The following PDE11A variants were observed in gnomAD, a reference collection of about 807,000 sequenced individuals.
PDE11A encodes phosphodiesterase 11A, also known as dual 3',5'-cyclic-AMP and -GMP phosphodiesterase 11A.
A neutral mutation model predicts 100.5 loss-of-function variants in PDE11A; 100 were observed. The observed-to-expected ratio is 1.00, with a 90% CI of 0.85 to 1.18. The LOEUF (loss-of-function observed/expected upper bound fraction) is 1.18. PDE11A is among the 50% of genes most tolerant of loss of function. The pLI, the probability that PDE11A is intolerant of heterozygous loss-of-function variation, is 0.00. For synonymous variants in PDE11A, 381 were observed against 420.8 expected (o/e 0.91, Z 1.16); for missense variants, 1,141 against 1,152.6 (o/e 0.99, Z 0.15).
intron 9 of PDE11A, among the ~76,000 whole-genome samples, chr2:177,811,354 G>C (rs2082946828): frequency 1.3e-5 from 2 of 151,748 alleles, no homozygotes; most frequent in Admixed American, 1.3e-4. Context: ...AGCTTTAAGA[G>C]CATTTCTGCT....
At chr2:177,761,264 GACA>G (rs2082166504) in intron 10 of PDE11A, among the ~76,000 whole-genome samples, 1 of 152,138 alleles carries the variant, frequency 6.6e-6, no homozygotes, top group South Asian at 2.1e-4. Context: ...GGGTGCACAG[GACA>G]ACAACCAGGA....
intron 2 of PDE11A, among the ~76,000 whole-genome samples, chr2:177,937,485 T>G (rs1235933616): frequency 1.3e-5 from 2 of 151,904 alleles, no homozygotes; most frequent in Admixed American, 1.3e-4. Context: ...ACCCAACTAA[T>G]TTTTTGTATT....
Position 177,839,288 on chromosome 2 carries a change from C to T in PDE11A, c.1500+963G>A, listed in dbSNP as rs538022836. 3.3e-5 allele frequency among the ~76,000 whole-genome samples: 5 copies of T among 152,264 alleles called. No homozygotes were observed. The South Asian group carries it at 1.0e-3, about 32-fold the overall frequency. ...TTTGTCTGCCTCCAGAGCCATAGAGCAGCTCTCAATTTCTGTAAAATGGGA... is the reference window on the plus strand; with the variant it reads ...TTTGTCTGCCTCCAGAGCCATAGAGTAGCTCTCAATTTCTGTAAAATGGGA... On this transcript the variant is annotated intron_variant, in intron 6 of 19. Transcript: ENST00000286063.
chr2:177,737,076 C>A (rs2081795747), intron 10 of PDE11A, among the ~76,000 whole-genome samples: 1 of 149,796 alleles, frequency 6.7e-6, no homozygotes, highest in South Asian at 2.1e-4. Flanking sequence ...CCTGTCTCTA[C>A]TAAAAATACA....
chr2:178,029,587 A>G (rs761045824), intron 1 of PDE11A, among the ~76,000 whole-genome samples: 1 of 152,134 alleles, frequency 6.6e-6, no homozygotes, highest in Non-Finnish European at 1.5e-5. Flanking sequence ...TCATCCAACC[A>G]TAAGGAGTTA....
At chr2:178,002,727 T>C (rs2086160440) in intron 2 of PDE11A, among the ~76,000 whole-genome samples, 1 of 152,174 alleles carries the variant, frequency 6.6e-6, no homozygotes, top group African/African-American at 2.4e-5. Context: ...ATTAATTCCT[T>C]GTGGAAGGCA....
At chr2:177,722,651 A>T (rs1166665203) in intron 12 of PDE11A, among the ~76,000 whole-genome samples, 1 of 152,204 alleles carries the variant, frequency 6.6e-6, no homozygotes, top group Non-Finnish European at 1.5e-5. Context: ...CAGTATTCAA[A>T]TTGATTAGCC....
chr2:177,763,569 G>C (rs1251289874), intron 10 of PDE11A, among the ~76,000 whole-genome samples: 1 of 152,184 alleles, frequency 6.6e-6, no homozygotes, highest in South Asian at 2.1e-4. Context: ...TCTGCCCTGA[G>C]GGGGAGGAGC....
chr2:177,850,000 C>T lies in PDE11A; in HGVS notation c.1368-9617G>A, dbSNP rs547306184. 2.0e-5 allele frequency among the ~76,000 whole-genome samples: 3 copies of T among 152,286 alleles called. No individual in the cohort carries two copies. In the South Asian group the frequency reaches 6.2e-4, roughly 32 times the overall value. ...ATTCAATGCCATCCCCATCAAGCTA[C>T]CATTGACTTTCTTCACAGAATTGGA... On this transcript the variant is annotated intron_variant, in intron 5 of 19. Coordinates refer to ENST00000286063, the MANE Select transcript of PDE11A (RefSeq NM_016953.4).
chr2:177,690,488 T>C (rs771871247), intron 15 of PDE11A, among the ~76,000 whole-genome samples: 31 of 152,220 alleles, frequency 2.0e-4, no homozygotes, highest in Non-Finnish European at 3.2e-4. Flanking sequence ...ATTTGTTGAG[T>C]TCCCACTGTA....
chr2:177,688,747 C>T (rs2080995396), intron 15 of PDE11A, among the ~76,000 whole-genome samples: 1 of 152,218 alleles, frequency 6.6e-6, no homozygotes, highest in Admixed American at 6.5e-5. Flanking sequence ...AAATAGCAGT[C>T]TTTAAAAAAG....
At chr2:177,858,324 G>A (rs2083879985) in intron 5 of PDE11A, among the ~76,000 whole-genome samples, 1 of 151,590 alleles carries the variant, frequency 6.6e-6, no homozygotes, top group South Asian at 2.1e-4. Context: ...TACAGAATGG[G>A]AGAAAATTTT....
At chr2:178,078,471 T>TATATTC (rs2087235764) in intron 2 of PDE11A, among the ~76,000 whole-genome samples, 2 of 151,570 alleles carry the variant, frequency 1.3e-5, no homozygotes, top group South Asian at 4.2e-4. Context: ...GAAGCCCACC[T>TATATTC]ATAGTTGTAT....
chr2:178,071,980 C>T lies in PDE11A; in HGVS notation c.458G>A (p.Arg153Gln), dbSNP rs1442555490. ...TGCCTTCCGGAGAAGTGCCCTCCGT[C>T]GTACACTACTCAGGGGTTCCTGAGC... ...SRAQEPLSSV[R>Q]RRALLRKASS... The change falls in exon 1 of 20, where the codon CGA becomes CAA. Residue 153 changes from arginine to glutamine, a missense_variant. Physicochemically the swap from Arg to Gln is conservative, Grantham distance 43 (BLOSUM62 1). Transcript: ENST00000286063. 1.2e-5 allele frequency: 20 copies of T among 1,613,966 alleles called. No homozygotes were observed. Among genetic ancestry groups the T allele is most frequent in the Non-Finnish European group, 1.7e-5 (20 of 1,179,984 alleles).
rs537076246 is a variant in PDE11A, at chr2:178,098,675, G to T, written c.162+5627C>A. On this transcript the variant is annotated intron_variant, in intron 2 of 20. Coordinates refer to the PDE11A transcript ENST00000358450. Reference sequence around the variant, plus strand: ...TTTAGTTGGTAGAGGGACAGGAATAGGAGAATGTCAGGAAAAGTGAACATA... The same window carrying T: ...TTTAGTTGGTAGAGGGACAGGAATATGAGAATGTCAGGAAAAGTGAACATA... Among the ~76,000 whole-genome samples the T allele has an allele frequency of 2.4e-4, 37 of 151,992 alleles. No individual in the cohort carries two copies. The South Asian group carries it at 7.0e-3, about 29-fold the overall frequency.
intron 10 of PDE11A, among the ~76,000 whole-genome samples, chr2:177,738,360 T>C (rs955063406): frequency 2.0e-5 from 3 of 152,152 alleles, no homozygotes; most frequent in African/African-American, 7.2e-5. Context: ...GTAGTGTCCT[T>C]CTTTCTATGT....
intron 2 of PDE11A, among the ~76,000 whole-genome samples, chr2:177,923,618 C>T (rs577675741): frequency 6.6e-5 from 10 of 152,242 alleles, no homozygotes; most frequent in African/African-American, 2.4e-4. Flanking sequence ...CATGATTGAG[C>T]TTTGAGTAGA....
In PDE11A at chr2:178,099,660, G is replaced by A. The variant is rs984646686; in HGVS notation, c.162+4642C>T. Reference sequence around the variant, plus strand: ...GTGTATTCTAATTCACAATGGAATTGTGGAAACATAAAATGGTGCAACCAC... The same window carrying A: ...GTGTATTCTAATTCACAATGGAATTATGGAAACATAAAATGGTGCAACCAC... On this transcript the variant is annotated intron_variant, in intron 2 of 20. Coordinates refer to the PDE11A transcript ENST00000358450. Among the ~76,000 whole-genome samples, 5 of 152,244 alleles carry A rather than the reference G, an allele frequency of 3.3e-5. No individual in the cohort carries two copies. The South Asian group carries it at 1.0e-3, about 32-fold the overall frequency.
intron 2 of PDE11A, among the ~76,000 whole-genome samples, chr2:177,908,010 G>A (rs907751223): frequency 6.6e-6 from 1 of 152,150 alleles, no homozygotes; most frequent in Non-Finnish European, 1.5e-5. Context: ...TGCATGTACT[G>A]TATAGTAAAA....
Sources: allele counts gnomAD v4.1 joint callset (sites outside exome capture counted in the v4.1 genomes callset), GRCh38; gene constraint gnomAD v4.1.1; transcripts MANE v1.5; gene names NCBI Gene and HGNC (gene_info 2026-07-23, HGNC 2026-07-21).